IPO7: variants seen among roughly 807,000 people sequenced by gnomAD.
IPO7 encodes the protein importin 7, also known as importin-7.
A neutral mutation model predicts 136.4 loss-of-function variants in IPO7; 13 were observed. The observed-to-expected ratio is 0.10, with a 90% confidence interval of 0.06 to 0.15. The LOEUF is 0.15. Among genes scored for constraint, IPO7 ranks in the 10% least tolerant of loss-of-function variants. The probability of loss-of-function intolerance (pLI) is 1.00; values close to 1 mark genes in which losing one functional copy is unlikely to be tolerated. For missense variants in IPO7, 857 were observed against 1,240.6 expected, an observed-to-expected ratio of 0.69 and a Z score of 4.65; for synonymous variants, 403 against 404.4, an observed-to-expected ratio of 1.00 and a Z score of 0.04.
At chr11:9,396,858 T>C (rs867467643) in intron 1 of IPO7, among the ~76,000 whole-genome samples, 1 of 152,210 alleles carries the variant, frequency 6.6e-6, no homozygotes. Flanking sequence ...TTTTACAGTA[T>C]TATGAGTAAT....
At chr11:9,396,670 T>C (rs1015289828) in intron 1 of IPO7, among the ~76,000 whole-genome samples, 3 of 152,232 alleles carry the variant, frequency 2.0e-5, no homozygotes, top group African/African-American at 7.2e-5. Context: ...ATTGGAATCA[T>C]ACAATATGTA....
intron 1 of IPO7, 141 bp downstream of exon 1, chr11:9,384,988 T>C: frequency 1.5e-6 from 1 of 653,398 alleles, no homozygotes; most frequent in East Asian, 2.8e-5. Flanking sequence ...TGACGGCGAC[T>C]TCCACGCCGG....
chr11:9,430,646 G>A (rs1412027177), intron 15 of IPO7: 6 of 449,480 alleles, frequency 1.3e-5, no homozygotes, highest in East Asian at 1.0e-4. Context: ...TGAAATCCCC[G>A]AAGTGGCATG....
chr11:9,410,733 G>A (rs1854957057), intron 4 of IPO7, among the ~76,000 whole-genome samples: 1 of 152,236 alleles, frequency 6.6e-6, no homozygotes, highest in Non-Finnish European at 1.5e-5. Context: ...AGCACTGAGA[G>A]TGGTAAGCCA....
At chr11:9,425,663 C>T (rs1370693782) in intron 12 of IPO7, among the ~76,000 whole-genome samples, 1 of 152,114 alleles carries the variant, frequency 6.6e-6, no homozygotes, top group East Asian at 1.9e-4. Flanking sequence ...ATCATGAGGT[C>T]AGGAGATCGA....
At chr11:9,392,111 C>CTCACTA (rs1742336883) in intron 1 of IPO7, 1 of 335,468 alleles carries the variant, frequency 3.0e-6, no homozygotes, top group African/African-American at 2.3e-5. Context: ...ATGACTTAAC[C>CTCACTA]TCACTATGCC....
intron 1 of IPO7, chr11:9,402,808 A>C (rs904303411): frequency 1.3e-5 from 2 of 157,298 alleles, no homozygotes; most frequent in Non-Finnish European, 2.8e-5. Context: ...AGCCGAGATC[A>C]CGCCACTGCA....
chr11:9,411,220 GGCT>G (rs1394215386), intron 4 of IPO7, among the ~76,000 whole-genome samples: 5 of 152,158 alleles, frequency 3.3e-5, no homozygotes, highest in African/African-American at 1.2e-4. Flanking sequence ...AGATACAGGA[GGCT>G]GCTACATCAT....
chr11:9,419,409 G>A (rs550101409), intron 6 of IPO7, among the ~76,000 whole-genome samples: 17 of 151,728 alleles, frequency 1.1e-4, no homozygotes, highest in African/African-American at 3.9e-4. Flanking sequence ...TTAGCTGGGC[G>A]TGGTGGTGCA....
At chr11:9,442,864 A>G (rs1855477752) in intron 24 of IPO7, among the ~76,000 whole-genome samples, 1 of 152,088 alleles carries the variant, frequency 6.6e-6, no homozygotes, top group Non-Finnish European at 1.5e-5. Flanking sequence ...CTCTACTAAA[A>G]TACAAAAAAC....
At chr11:9,397,839 G>C (rs1854738139) in intron 1 of IPO7, among the ~76,000 whole-genome samples, 1 of 152,086 alleles carries the variant, frequency 6.6e-6, no homozygotes, top group Non-Finnish European at 1.5e-5. Context: ...GATATTTTCT[G>C]TGTTGTTTTA....
chr11:9,414,188 T>C, intron 4 of IPO7, 67 bp from the exon 5 acceptor site: 1 of 1,120,088 alleles, frequency 8.9e-7, no homozygotes. Flanking sequence ...AATAAATGCA[T>C]AGTTTAAATA....
At chr11:9,425,415 T>G in intron 12 of IPO7, 153 bp downstream of exon 12, 2 of 612,650 alleles carry the variant, frequency 3.3e-6, no homozygotes, top group Non-Finnish European at 5.8e-6. Context: ...GAGAACAGCC[T>G]GGGCAACATA....
intron 1 of IPO7, among the ~76,000 whole-genome samples, chr11:9,386,101 T>C (rs2133712972): frequency 6.6e-6 from 1 of 152,380 alleles, no homozygotes; most frequent in South Asian, 2.1e-4. Context: ...AACTGGACTT[T>C]CAGTGTAAAG....
At chr11:9,411,566 G>A (rs1276347541) in intron 4 of IPO7, among the ~76,000 whole-genome samples, 1 of 152,128 alleles carries the variant, frequency 6.6e-6, no homozygotes, top group Non-Finnish European at 1.5e-5. Flanking sequence ...TGGTAAATTG[G>A]GACCATGTTA....
intron 4 of IPO7, among the ~76,000 whole-genome samples, chr11:9,410,830 T>C (rs1306388745): frequency 6.6e-6 from 1 of 152,102 alleles, no homozygotes; most frequent in Non-Finnish European, 1.5e-5. Flanking sequence ...AAGGAAGACT[T>C]TTATACCATG....
chr11:9,439,210 G>A (rs934116840), intron 22 of IPO7, among the ~76,000 whole-genome samples: 3 of 152,140 alleles, frequency 2.0e-5, no homozygotes, highest in Admixed American at 6.5e-5. Flanking sequence ...CTGCCTCCCG[G>A]GTTCAAGCAA....
rs111284200 is a variant in IPO7, at chr11:9,418,848, T to G, written c.727-1563T>G. On this transcript the variant is annotated intron_variant, in intron 6 of 24. Transcript: ENST00000379719. The stretch of plus-strand genomic sequence containing the variant: ...ATCATCTCATTCCCGGCACAATAGA[T>G]TTAATCTGTTTTAGAACTTAGTAAG... Among the ~76,000 whole-genome samples the G allele has an allele frequency of 3.1e-3, 477 of 152,310 alleles. 2 individuals are homozygous for G. Among genetic ancestry groups the G allele is most frequent in the African/African-American group, 0.011 (449 of 41,568 alleles).
chr11:9,419,559 A>AT (rs1554954689), intron 6 of IPO7, among the ~76,000 whole-genome samples: 2,488 of 116,626 alleles, frequency 0.021, 32 homozygotes, highest in African/African-American at 0.027. Context: ...AAAAAAAAAA[A>AT]ATATATATAT....
Sources: gnomAD v4.1 joint callset for allele counts (sites outside exome capture counted in the v4.1 genomes callset) on GRCh38, gnomAD v4.1.1 for gene constraint, MANE v1.5 for transcripts, NCBI Gene and HGNC (gene_info 2026-07-23, HGNC 2026-07-21) for gene names.